Variants in MGMT observed in about 807,000 individuals in gnomAD.
MGMT encodes O-6-methylguanine-DNA methyltransferase.
A neutral mutation model predicts 15.9 loss-of-function variants in MGMT; 14 were observed. The ratio of observed to expected loss-of-function variants is 0.88; its 90% confidence interval spans 0.58 to 1.37. The LOEUF is 1.37. MGMT is among the 40% of genes most tolerant of loss of function. The probability of loss-of-function intolerance (pLI) is 0.00; values close to 1 mark genes in which losing one functional copy is unlikely to be tolerated. For missense variants in MGMT, 282 were observed against 268.1 expected, an observed-to-expected ratio of 1.05 and a Z score of -0.36; for synonymous variants, 130 against 118.2, an observed-to-expected ratio of 1.10 and a Z score of -0.65.
intron 2 of MGMT, among the ~76,000 whole-genome samples, chr10:129,584,223 G>A (rs957049408): frequency 1.3e-5 from 2 of 152,150 alleles, no homozygotes; most frequent in Non-Finnish European, 2.9e-5. Context: ...GACATGGAGG[G>A]GCACCATTTG....
intron 3 of MGMT, among the ~76,000 whole-genome samples, chr10:129,748,984 TAC>T (rs1848724823): frequency 6.6e-6 from 1 of 152,192 alleles, no homozygotes. Flanking sequence ...CCTTTAGTCT[TAC>T]AGACTCCACT....
At chr10:129,541,063 T>C (rs1185093395) in intron 2 of MGMT, among the ~76,000 whole-genome samples, 2 of 152,242 alleles carry the variant, frequency 1.3e-5, no homozygotes, top group East Asian at 3.9e-4. Flanking sequence ...CTTTAGTAGA[T>C]AAATTACAGG....
At chr10:129,525,722 C>G (rs1259060820) in intron 1 of MGMT, among the ~76,000 whole-genome samples, 1 of 152,174 alleles carries the variant, frequency 6.6e-6, no homozygotes, top group African/African-American at 2.4e-5. Context: ...ACATGAGCAG[C>G]GTTTGTGGAA....
chr10:129,673,472 G>T (rs1310361588), intron 2 of MGMT, among the ~76,000 whole-genome samples: 1 of 152,118 alleles, frequency 6.6e-6, no homozygotes, highest in African/African-American at 2.4e-5. Flanking sequence ...CTTGGTTAAG[G>T]TGTCTTCCTC....
Position 129,541,426 on chromosome 10 carries a change from T to G in MGMT, c.125+5049T>G, listed in dbSNP as rs1279588760. On this transcript the variant is annotated intron_variant, in intron 2 of 4. Transcript: ENST00000651593. Reference sequence around the variant, plus strand: ...GCTGCAGAGCTCTGACCTCGTCAGATTCCCTGCAGTGCCCACAGTCTAATG... The same window carrying G: ...GCTGCAGAGCTCTGACCTCGTCAGAGTCCCTGCAGTGCCCACAGTCTAATG... Among the ~76,000 whole-genome samples the G allele has an allele frequency of 2.6e-5, 4 of 152,376 alleles. No homozygotes were observed. In the East Asian group the frequency reaches 7.7e-4, roughly 29 times the overall value.
chr10:129,625,459 T>A (rs1847135947), intron 2 of MGMT, among the ~76,000 whole-genome samples: 1 of 152,308 alleles, frequency 6.6e-6, no homozygotes, highest in East Asian at 1.9e-4. Flanking sequence ...AACCCAAATT[T>A]TAAAATCCTA....
intron 2 of MGMT, among the ~76,000 whole-genome samples, chr10:129,695,020 A>G (rs549974806): frequency 6.6e-6 from 1 of 152,340 alleles, no homozygotes; most frequent in South Asian, 2.1e-4. Context: ...TTATTACTCT[A>G]TATCCTTGCC....
chr10:129,606,617 A>G, intron 2 of MGMT, among the ~76,000 whole-genome samples: 1 of 152,264 alleles, frequency 6.6e-6, no homozygotes, highest in African/African-American at 2.4e-5. Context: ...AATTTGAAAT[A>G]AAGTCATATT....
At chr10:129,472,483 A>T (rs1222603199) in intron 1 of MGMT, among the ~76,000 whole-genome samples, 1 of 152,134 alleles carries the variant, frequency 6.6e-6, no homozygotes, top group Non-Finnish European at 1.5e-5. Context: ...TTTTCCCCCC[A>T]GTCCAATCCG....
chr10:129,720,724 C>G (rs1173387142), intron 3 of MGMT, among the ~76,000 whole-genome samples: 1 of 152,226 alleles, frequency 6.6e-6, no homozygotes, highest in East Asian at 1.9e-4. Context: ...TGTCTGAGCA[C>G]TCAGAGCAGT....
chr10:129,657,963 C>T (rs1201014501), intron 2 of MGMT, among the ~76,000 whole-genome samples: 2 of 152,110 alleles, frequency 1.3e-5, no homozygotes, highest in East Asian at 1.9e-4. Context: ...AGGAAATTCT[C>T]GTAAATGTAT....
chr10:129,700,569 A>T, intron 2 of MGMT: 1 of 152,176 alleles, frequency 6.6e-6, no homozygotes, highest in East Asian at 1.9e-4. Context: ...CTCCAGAGGA[A>T]GGGACAGCCC....
chr10:129,635,271 G>T (rs893374481), intron 2 of MGMT, among the ~76,000 whole-genome samples: 1 of 152,164 alleles, frequency 6.6e-6, no homozygotes, highest in African/African-American at 2.4e-5. Flanking sequence ...CAGATCTCAG[G>T]ATTCCTCTTT....
chr10:129,633,346 C>T (rs1031176384), intron 2 of MGMT, among the ~76,000 whole-genome samples: 5 of 152,090 alleles, frequency 3.3e-5, no homozygotes, highest in African/African-American at 7.2e-5. Context: ...TATGAGACTG[C>T]GTAGTCAGGG....
chr10:129,652,837 C>T (rs1847477722), intron 2 of MGMT, among the ~76,000 whole-genome samples: 2 of 152,250 alleles, frequency 1.3e-5, no homozygotes, highest in Non-Finnish European at 2.9e-5. Context: ...CGTGCCCGTG[C>T]ACCCATGCAG....
At chr10:129,717,426 A>G (rs1848312258) in intron 3 of MGMT, among the ~76,000 whole-genome samples, 1 of 152,202 alleles carries the variant, frequency 6.6e-6, no homozygotes, top group Admixed American at 6.5e-5. Context: ...AGAAATAGTG[A>G]AATGCAAAAT....
intron 1 of MGMT, among the ~76,000 whole-genome samples, chr10:129,484,648 G>A (rs1845390464): frequency 6.6e-6 from 1 of 152,128 alleles, no homozygotes; most frequent in Non-Finnish European, 1.5e-5. Flanking sequence ...TGCTTCTCAT[G>A]TGTGTGTGTT....
chr10:129,564,788 C>A (rs1846334630), intron 2 of MGMT, among the ~76,000 whole-genome samples: 1 of 151,724 alleles, frequency 6.6e-6, no homozygotes, highest in East Asian at 2.0e-4. Context: ...CACACGCCCC[C>A]CTCAGCCTCT....
chr10:129,707,521 G>A (rs1357611906), intron 2 of MGMT, among the ~76,000 whole-genome samples: 1 of 152,170 alleles, frequency 6.6e-6, no homozygotes, highest in Non-Finnish European at 1.5e-5. Flanking sequence ...GGGGTGGGGT[G>A]GGCCGTGTGG....
Sources: gnomAD v4.1 joint callset for allele counts (sites outside exome capture counted in the v4.1 genomes callset) on GRCh38, gnomAD v4.1.1 for gene constraint, MANE v1.5 for transcripts, NCBI Gene and HGNC (gene_info 2026-07-23, HGNC 2026-07-21) for gene names.